Variants in FDFT1 observed in about 807,000 individuals in gnomAD.
FDFT1 encodes the protein squalene synthase.
A neutral mutation model predicts 46.8 loss-of-function variants in FDFT1; 68 were observed. That is an observed-to-expected ratio of 1.45 (90% CI 1.19 to 1.78). FDFT1 has a LOEUF of 1.78. Among genes scored for constraint, FDFT1 ranks in the 40% most tolerant of loss-of-function variants. FDFT1 has a pLI of 0.00. For synonymous variants in FDFT1, 351 were observed against 185.1 expected (o/e 1.90, Z -7.28); for missense variants, 928 against 524.4 (o/e 1.77, Z -7.52).
At chr8:11,810,166 C>T (rs893450147) in intron 3 of FDFT1, among the ~76,000 whole-genome samples, 2 of 152,060 alleles carry the variant, frequency 1.3e-5, no homozygotes, top group African/African-American at 4.8e-5. Context: ...GTAGGTAATG[C>T]TCTTAGAATG....
chr8:11,817,971 C>G (rs935662073), intron 3 of FDFT1, among the ~76,000 whole-genome samples: 20 of 152,132 alleles, frequency 1.3e-4, no homozygotes, highest in African/African-American at 4.3e-4. Flanking sequence ...GTTTTTAGAT[C>G]TTTCCTGCTT....
Position 11,838,699 on chromosome 8 carries a change from C to T in FDFT1, c.*90C>T, listed in dbSNP as rs1358569105. Reference sequence around the variant, plus strand: ...ATGTTGTGTTCTCTTTATTTTTTTCCTACTACTTTAATCCCTAAAAGAACG... The same window carrying T: ...ATGTTGTGTTCTCTTTATTTTTTTCTTACTACTTTAATCCCTAAAAGAACG... On this transcript the variant is annotated 3_prime_UTR_variant, in exon 8 of 8. Coordinates refer to ENST00000220584, the MANE Select transcript of FDFT1 (RefSeq NM_004462.5). 9.5e-7 allele frequency: 1 copy of T among 1,049,494 alleles called. No homozygotes were observed. Among genetic ancestry groups the T allele is most frequent in the Non-Finnish European group, 1.5e-6 (1 of 682,668 alleles). 65.0% of individuals were successfully genotyped at this position (1,049,494 alleles called of 1,614,324 possible).
rs753837696 is a variant in FDFT1, at chr8:11,830,332, C to T, written c.791C>T (p.Thr264Ile). The T allele has an allele frequency of 1.2e-6, 2 of 1,613,272 alleles. No homozygotes were observed. The highest frequency in any genetic ancestry group is 1.3e-5 in the African/African-American group (1 of 75,006). The change falls in exon 6 of 8, where the codon ACC becomes ATC. Residue 264 changes from threonine to isoleucine, a missense_variant. Coordinates refer to ENST00000220584, the MANE Select transcript of FDFT1 (RefSeq NM_004462.5). ...GTGCAGTGCCTGAATGAACTTATAA[C>T]CAATGCACTGCACCACATCCCAGAT... ...LAVQCLNELI[T>I]NALHHIPDVI...
chr8:11,823,581 C>CTTTT (rs954964448), intron 4 of FDFT1, among the ~76,000 whole-genome samples: 3 of 146,428 alleles, frequency 2.0e-5, no homozygotes. Flanking sequence ...TCAGAGACGA[C>CTTTT]TTTTTTTTTT....
chr8:11,838,245 T>C, intron 7 of FDFT1, 143 bp from the exon 8 acceptor site: 1 of 671,852 alleles, frequency 1.5e-6, no homozygotes, highest in Non-Finnish European at 2.6e-6. Context: ...TGGCTTTGGG[T>C]AAGTTATGTT....
chr8:11,808,987 G>C, intron 2 of FDFT1, 96 bp downstream of exon 2: 6 of 1,517,116 alleles, frequency 4.0e-6, no homozygotes, highest in Non-Finnish European at 5.3e-6. Flanking sequence ...GCTCAGCGTT[G>C]CAGCCTCGTT....
intron 4 of FDFT1, among the ~76,000 whole-genome samples, chr8:11,822,221 T>TA (rs1391496899): frequency 1.3e-5 from 2 of 152,236 alleles, no homozygotes; most frequent in South Asian, 2.1e-4. Flanking sequence ...TTGTGAGACT[T>TA]ACTCATCACT....
At chr8:11,813,788 CAG>C (rs1429944008) in intron 3 of FDFT1, among the ~76,000 whole-genome samples, 2 of 152,240 alleles carry the variant, frequency 1.3e-5, no homozygotes, top group African/African-American at 4.8e-5. Flanking sequence ...TGTTGTGAAA[CAG>C]AATTACCTGG....
intron 3 of FDFT1, among the ~76,000 whole-genome samples, chr8:11,812,167 G>C (rs80040100): frequency 2.6e-5 from 4 of 152,248 alleles, no homozygotes; most frequent in African/African-American, 9.6e-5. Flanking sequence ...GGGATCACTG[G>C]GGCCATGGGA....
chr8:11,813,950 C>T (rs572588787), intron 3 of FDFT1, among the ~76,000 whole-genome samples: 23 of 152,320 alleles, frequency 1.5e-4, no homozygotes, highest in African/African-American at 5.5e-4. Context: ...TTCATTGTCA[C>T]TTTCTCCTGT....
chr8:11,806,526 G>A (rs1249419457), intron 1 of FDFT1, among the ~76,000 whole-genome samples: 1 of 152,164 alleles, frequency 6.6e-6, no homozygotes, highest in African/African-American at 2.4e-5. Flanking sequence ...ATGGAGGGCT[G>A]TATGGAAAGG....
Position 11,839,141 on chromosome 8 carries a change from G to C in FDFT1, c.*532G>C, listed in dbSNP as rs982302119. On this transcript the variant is annotated 3_prime_UTR_variant, in exon 8 of 8. Coordinates refer to ENST00000220584, the MANE Select transcript of FDFT1 (RefSeq NM_004462.5). ...TGCAAACTGCCTTTTCCACACAAAG[G>C]CTGGGAATAAAATTCTGGGTATTCT... 1 of 154,540 alleles carries C rather than the reference G, an allele frequency of 6.5e-6. No homozygotes were observed. Among genetic ancestry groups the C allele is most frequent in the Non-Finnish European group, 1.4e-5 (1 of 69,328 alleles). The allele number at this position is 154,540 out of a possible 1,614,324, so 9.6% of individuals were successfully genotyped here. A position where few individuals can be genotyped will look rare whatever the true frequency, so the allele number is the denominator to read the frequency against.
At chr8:11,837,761 C>T (rs895913061) in intron 7 of FDFT1, among the ~76,000 whole-genome samples, 61 of 152,120 alleles carry the variant, frequency 4.0e-4, no homozygotes, top group African/African-American at 1.4e-3. Context: ...CTTAGACTCA[C>T]GTTGGAGACT....
chr8:11,833,317 C>T (rs1811112338), intron 7 of FDFT1, among the ~76,000 whole-genome samples: 1 of 152,136 alleles, frequency 6.6e-6, no homozygotes. Context: ...ATAATTTGAA[C>T]CCAGGTCTGT....
intron 1 of FDFT1, chr8:11,803,454 A>G (rs1318221216): frequency 9.4e-6 from 12 of 1,279,718 alleles, no homozygotes; most frequent in East Asian, 1.1e-4. Context: ...AAAATCGCCT[A>G]TCTACGCTTC....
intron 4 of FDFT1, among the ~76,000 whole-genome samples, chr8:11,824,681 A>C (rs778026893): frequency 9.3e-4 from 142 of 152,186 alleles, no homozygotes; most frequent in South Asian, 1.2e-3. Context: ...TGGAGATCAT[A>C]CTGCTATGTA....
At position 11,826,532 on chromosome 8, in the gene FDFT1, G is replaced by A. The variant is rs1008376630; in HGVS notation, c.702+317G>A. On this transcript the variant is annotated intron_variant, in intron 5 of 7. Coordinates refer to ENST00000220584, the MANE Select transcript of FDFT1 (RefSeq NM_004462.5). ...AAAGTTCTTAGGAATGGCTTTGTTC[G>A]GCCTGGCGCAGTGGCTCATGCCTGT... 5.9e-5 allele frequency among the ~76,000 whole-genome samples: 9 copies of A among 152,290 alleles called. No homozygotes were observed. The South Asian group carries it at 6.2e-4, about 11-fold the overall frequency.
intron 5 of FDFT1, among the ~76,000 whole-genome samples, chr8:11,828,030 C>T (rs766202954): frequency 2.3e-4 from 35 of 152,098 alleles, no homozygotes; most frequent in African/African-American, 5.8e-4. Flanking sequence ...GGCAAAACTC[C>T]GTCTCTACTA....
chr8:11,830,488 T>C, intron 6 of FDFT1, 68 bp downstream of exon 6: 1 of 1,144,482 alleles, frequency 8.7e-7, no homozygotes, highest in Non-Finnish European at 1.3e-6. Flanking sequence ...AGGGTGGATT[T>C]TGCTGTGCTA....
Sources: allele counts gnomAD v4.1 joint callset (sites outside exome capture counted in the v4.1 genomes callset), GRCh38; gene constraint gnomAD v4.1.1; transcripts MANE v1.5; gene names NCBI Gene and HGNC (gene_info 2026-07-23, HGNC 2026-07-21).